CDH4: variants seen among roughly 807,000 people sequenced by gnomAD.
The protein encoded by CDH4 is cadherin-4.
In CDH4, 33 loss-of-function variants were observed where a neutral mutation model predicts 86.0. That is an observed-to-expected ratio of 0.38 (90% CI 0.29 to 0.51). The LOEUF (loss-of-function observed/expected upper bound fraction) is 0.51, where lower values mean the gene tolerates loss of function less well. CDH4 is among the 20% of genes least tolerant of loss of function. The pLI is 0.86. For synonymous variants in CDH4, 555 were observed against 549.4 expected, an observed-to-expected ratio of 1.01 and a Z score of -0.14; for missense variants, 1,114 against 1,307.4, an observed-to-expected ratio of 0.85 and a Z score of 2.28.
rs2084726051 is a variant in CDH4, at chr20:61,353,606, T to TTCCTCCCCTTCCCC, written c.169+98669_169+98670insTCCTCCCCTTCCCC. ...GCTTTCAATTCAGGTTAATTCCACTTCCTCCTCTTCCTCCTCCTCCTCATC... is the reference window on the plus strand; with the variant it reads ...GCTTTCAATTCAGGTTAATTCCACTTTCCTCCCCTTCCCCCCTCCTCTTCCTCCTCCTCCTCATC... On this transcript the variant is annotated intron_variant, in intron 2 of 15. Coordinates refer to ENST00000614565, the MANE Select transcript of CDH4 (RefSeq NM_001794.5). Among the ~76,000 whole-genome samples the TTCCTCCCCTTCCCC allele has an allele frequency of 7.0e-4, 2 of 2,838 alleles. 1 individual carries two copies. Among genetic ancestry groups the TTCCTCCCCTTCCCC allele is most frequent in the East Asian group, 0.018 (2 of 114 alleles). 1.9% of individuals were successfully genotyped at this position (2,838 alleles called of 152,430 possible).
chr20:61,293,975 G>A (rs1003532794), intron 2 of CDH4, among the ~76,000 whole-genome samples: 1 of 152,100 alleles, frequency 6.6e-6, no homozygotes, highest in Non-Finnish European at 1.5e-5. Context: ...TCAGCATGGG[G>A]GTCTTTGTGG....
chr20:61,505,468 A>T (rs995480570), intron 2 of CDH4, among the ~76,000 whole-genome samples: 1 of 152,210 alleles, frequency 6.6e-6, no homozygotes, highest in African/African-American at 2.4e-5. Context: ...CTGTGATCTT[A>T]AGGAGACAAA....
intron 2 of CDH4, among the ~76,000 whole-genome samples, chr20:61,514,473 G>A (rs932977763): frequency 5.9e-5 from 9 of 152,134 alleles, no homozygotes; most frequent in Non-Finnish European, 1.0e-4. Flanking sequence ...AACTTCCTTG[G>A]GGGGCTCTTG....
chr20:61,292,620 G>A (rs1248967833), intron 2 of CDH4, among the ~76,000 whole-genome samples: 1 of 152,222 alleles, frequency 6.6e-6, no homozygotes. Context: ...CACAGAGGAC[G>A]GCCCAGCCCC....
chr20:61,919,921 A>AGCGTCGTGTCGCAGTGATT (rs2054949740), intron 9 of CDH4, among the ~76,000 whole-genome samples: 1 of 151,850 alleles, frequency 6.6e-6, no homozygotes. Context: ...ATTATGTGGA[A>AGCGTCGTGTCGCAGTGATT]GCGTGGTGTC....
At chr20:61,729,409 C>T (rs2088152208) in intron 2 of CDH4, among the ~76,000 whole-genome samples, 1 of 152,222 alleles carries the variant, frequency 6.6e-6, no homozygotes, top group Non-Finnish European at 1.5e-5. Flanking sequence ...GCGGCCCCCT[C>T]TTCTGTATCT....
At chr20:61,931,931 C>T (rs1329640420) in intron 13 of CDH4, among the ~76,000 whole-genome samples, 1 of 152,138 alleles carries the variant, frequency 6.6e-6, no homozygotes, top group African/African-American at 2.4e-5. Flanking sequence ...GAAAGAGCCC[C>T]TCTGAGTGAC....
At chr20:61,271,775 C>T (rs1475932808) in intron 2 of CDH4, among the ~76,000 whole-genome samples, 2 of 152,232 alleles carry the variant, frequency 1.3e-5, no homozygotes, top group Non-Finnish European at 2.9e-5. Context: ...GTCACAACGC[C>T]ATGGTCCTGG....
intron 8 of CDH4, among the ~76,000 whole-genome samples, chr20:61,906,821 C>T (rs912034190): frequency 1.2e-4 from 18 of 152,142 alleles, no homozygotes; most frequent in African/African-American, 4.3e-4. Context: ...TGTCAGAGAC[C>T]AGTGGTGTGT....
Position 61,914,209 on chromosome 20 carries a change from G to A in CDH4, c.1374+3602G>A, listed in dbSNP as rs1051041128. On this transcript the variant is annotated intron_variant, in intron 9 of 15. Coordinates refer to ENST00000614565, the MANE Select transcript of CDH4 (RefSeq NM_001794.5). ...TATGCCAAGGGAAGTGGAGCATGGG[G>A]ACTGAGTCTCACGGTGCTGCCTCCC... 2.6e-5 allele frequency among the ~76,000 whole-genome samples: 4 copies of A among 152,154 alleles called. No individual in the cohort carries two copies. In the South Asian group the frequency reaches 8.3e-4, roughly 32 times the overall value.
intron 2 of CDH4, among the ~76,000 whole-genome samples, chr20:61,367,365 C>T (rs2084816342): frequency 6.6e-6 from 1 of 152,132 alleles, no homozygotes; most frequent in Non-Finnish European, 1.5e-5. Context: ...GAGTAAACAG[C>T]AGAGCTCCTG....
intron 2 of CDH4, among the ~76,000 whole-genome samples, chr20:61,341,689 T>A (rs1018714821): frequency 6.6e-5 from 10 of 152,176 alleles, no homozygotes; most frequent in Admixed American, 6.5e-4. Context: ...AATTGCCATG[T>A]GCTATTAATA....
Position 61,928,257 on chromosome 20 carries a change from T to C in CDH4, c.1839T>C (p.Pro613=). 1.2e-6 allele frequency: 2 copies of C among 1,608,278 alleles called. No homozygotes were observed. The highest frequency in any genetic ancestry group is 2.2e-5 in the South Asian group (2 of 91,092). Residue 613 remains proline (P), a synonymous_variant, in exon 12 of 16, where the codon CCT becomes CCC. Coordinates refer to ENST00000614565, the MANE Select transcript of CDH4 (RefSeq NM_001794.5). The stretch of plus-strand genomic sequence containing the variant: ...TCATTGACATCAACGACAACGCCCC[T>C]GAGCTGCTGCCCAAGGAGGCGCAGA... ...IYLIDINDNA[P]ELLPKEAQIC... is the part of the protein sequence containing the mutation.
intron 2 of CDH4, among the ~76,000 whole-genome samples, chr20:61,291,480 C>A (rs767507825): frequency 2.6e-5 from 4 of 152,206 alleles, no homozygotes; most frequent in African/African-American, 4.8e-5. Context: ...AGCTTCTCAC[C>A]CTCTCTGGAC....
At chr20:61,529,557 A>G (rs1054703081) in intron 2 of CDH4, among the ~76,000 whole-genome samples, 9 of 152,238 alleles carry the variant, frequency 5.9e-5, no homozygotes, top group African/African-American at 2.2e-4. Flanking sequence ...GAATCTGTGC[A>G]GTGAGGAAAG....
intron 4 of CDH4, among the ~76,000 whole-genome samples, chr20:61,838,891 A>G (rs1458076827): frequency 6.6e-6 from 1 of 151,436 alleles, no homozygotes; most frequent in Non-Finnish European, 1.5e-5. Context: ...TGCCTGTCTC[A>G]GCAGGCCAAG....
chr20:61,541,089 A>G (rs2086036068), intron 2 of CDH4, among the ~76,000 whole-genome samples: 2 of 152,180 alleles, frequency 1.3e-5, no homozygotes, highest in Admixed American at 1.3e-4. Context: ...GTGCTCGGAG[A>G]CTTCCAGAAG....
At chr20:61,718,983 C>T (rs1388028759) in intron 2 of CDH4, 1 of 471,218 alleles carries the variant, frequency 2.1e-6, no homozygotes, top group Non-Finnish European at 4.4e-6. Flanking sequence ...CTGCCCTGCA[C>T]CAGATGAAAG....
intron 4 of CDH4, among the ~76,000 whole-genome samples, chr20:61,807,000 C>CT (rs1271597622): frequency 6.6e-6 from 1 of 152,184 alleles, no homozygotes; most frequent in Non-Finnish European, 1.5e-5. Flanking sequence ...GACAGGGGAT[C>CT]TTTTTTTAAC....
Sources: allele counts gnomAD v4.1 joint callset (sites outside exome capture counted in the v4.1 genomes callset), GRCh38; gene constraint gnomAD v4.1.1; transcripts MANE v1.5; gene names NCBI Gene and HGNC (gene_info 2026-07-23, HGNC 2026-07-21).